GLIS3: variants seen among roughly 807,000 people sequenced by gnomAD.
The protein encoded by GLIS3 is zinc finger protein GLIS3.
A neutral mutation model predicts 78.6 loss-of-function variants in GLIS3; 53 were observed. The observed-to-expected ratio is 0.67, with a 90% CI of 0.54 to 0.85. The LOEUF (loss-of-function observed/expected upper bound fraction) is 0.85. Ranked by LOEUF, GLIS3 falls within the 40% of genes least tolerant of loss-of-function variation. GLIS3 has a pLI of 0.00. For synonymous variants in GLIS3, 684 were observed against 509.9 expected (o/e 1.34, Z -4.60); for missense variants, 1,703 against 1,231.1 (o/e 1.38, Z -5.74).
At chr9:3,915,860 T>C (rs1824475527) in intron 6 of GLIS3, among the ~76,000 whole-genome samples, 2 of 152,176 alleles carry the variant, frequency 1.3e-5, no homozygotes, top group Admixed American at 6.5e-5. Context: ...CGCATATATA[T>C]GCTGAGGGAA....
chr9:4,447,358 A>G, the GLIS3 span, among the ~76,000 whole-genome samples: 1 of 151,890 alleles, frequency 6.6e-6, no homozygotes, highest in African/African-American at 2.4e-5. Context: ...TACAGGAGTG[A>G]GCCACCATGC....
At chr9:4,182,379 A>G (rs1817407981) in intron 2 of GLIS3, among the ~76,000 whole-genome samples, 1 of 152,216 alleles carries the variant, frequency 6.6e-6, no homozygotes, top group African/African-American at 2.4e-5. Flanking sequence ...CATGGCTTTG[A>G]GAAATACCTG....
At chr9:4,267,944 C>CATGTGT (rs757545130) in intron 2 of GLIS3, among the ~76,000 whole-genome samples, 5 of 149,904 alleles carry the variant, frequency 3.3e-5, no homozygotes, top group Admixed American at 2.0e-4. Flanking sequence ...TATAAAAATA[C>CATGTGT]CTGTGTGTGT....
At chr9:4,191,368 C>A (rs1818320185) in intron 2 of GLIS3, among the ~76,000 whole-genome samples, 1 of 152,234 alleles carries the variant, frequency 6.6e-6, no homozygotes, top group African/African-American at 2.4e-5. Context: ...ATTCCAGTTT[C>A]ATAAAAATCG....
chr9:4,284,703 G>C (rs974244666), intron 2 of GLIS3, among the ~76,000 whole-genome samples: 5 of 151,002 alleles, frequency 3.3e-5, no homozygotes, highest in African/African-American at 1.2e-4. Flanking sequence ...TTGAGCTCAG[G>C]AGTTGGAGAC....
intron 2 of GLIS3, among the ~76,000 whole-genome samples, chr9:4,312,107 A>G (rs1486386074): frequency 1.3e-5 from 2 of 152,224 alleles, no homozygotes; most frequent in African/African-American, 4.8e-5. Flanking sequence ...CTGTATAACA[A>G]ACCTACACAT....
intron 3 of GLIS3, among the ~76,000 whole-genome samples, chr9:4,124,166 C>G (rs1239716185): frequency 6.6e-6 from 1 of 152,076 alleles, no homozygotes; most frequent in Non-Finnish European, 1.5e-5. Context: ...AAGCAATTCC[C>G]AATTCCTGTT....
chr9:4,456,109 G>GA, the GLIS3 span, among the ~76,000 whole-genome samples: 30 of 145,282 alleles, frequency 2.1e-4, no homozygotes, highest in South Asian at 1.5e-3. Flanking sequence ...CTCCATCTAA[G>GA]AAAAAAAAAA....
chr9:4,474,991 TTTTC>T, the GLIS3 span, among the ~76,000 whole-genome samples: 290 of 98,346 alleles, frequency 2.9e-3, 10 homozygotes, highest in African/African-American at 9.1e-3. Context: ...GTTAATTTTT[TTTTC>T]TTTTTTTTTT....
chr9:4,376,190 G>C, the GLIS3 span, among the ~76,000 whole-genome samples: 2 of 152,164 alleles, frequency 1.3e-5, no homozygotes, highest in Non-Finnish European at 2.9e-5. Flanking sequence ...TGGAGAGATT[G>C]TCCCTGAAGC....
chr9:4,252,730 C>T (rs114654528), intron 2 of GLIS3, among the ~76,000 whole-genome samples: 17,031 of 152,152 alleles, frequency 0.11, 1,224 homozygotes, highest in Non-Finnish European at 0.16. Flanking sequence ...TGCTGGATTT[C>T]CCTCATCTTC....
intron 2 of GLIS3, among the ~76,000 whole-genome samples, chr9:4,244,486 T>C (rs1330982799): frequency 1.3e-5 from 2 of 152,220 alleles, no homozygotes; most frequent in South Asian, 2.1e-4. Context: ...GAAAACTACA[T>C]TGGAAAGAGT....
chr9:4,230,936 G>C (rs986552418), intron 2 of GLIS3, among the ~76,000 whole-genome samples: 1 of 152,164 alleles, frequency 6.6e-6, no homozygotes, highest in Admixed American at 6.5e-5. Flanking sequence ...GCCAGGTGCA[G>C]TGGCTCACAT....
chr9:4,245,749 C>T (rs2129775056), intron 2 of GLIS3, among the ~76,000 whole-genome samples: 1 of 152,202 alleles, frequency 6.6e-6, no homozygotes, highest in South Asian at 2.1e-4. Flanking sequence ...ATAAATACCA[C>T]TATATCCCAT....
chr9:3,850,777 C>G (rs1819380514), intron 9 of GLIS3, among the ~76,000 whole-genome samples: 1 of 152,182 alleles, frequency 6.6e-6, no homozygotes, highest in Non-Finnish European at 1.5e-5. Flanking sequence ...CCAGCCATCC[C>G]TTTGACTCTT....
intron 4 of GLIS3, among the ~76,000 whole-genome samples, chr9:4,066,841 C>A (rs184773458): frequency 1.3e-5 from 2 of 152,160 alleles, no homozygotes; most frequent in Non-Finnish European, 2.9e-5. Flanking sequence ...GCATGTGGGA[C>A]GCCCAGTGGC....
chr9:4,310,284 A>T (rs1157944805), intron 3 of GLIS3: 2 of 152,218 alleles, frequency 1.3e-5, no homozygotes, highest in African/African-American at 4.8e-5. Flanking sequence ...AATATAATTG[A>T]ACAGTAAATG....
At chr9:4,394,793 T>G in the GLIS3 span, among the ~76,000 whole-genome samples, 1 of 152,218 alleles carries the variant, frequency 6.6e-6, no homozygotes, top group African/African-American at 2.4e-5. Flanking sequence ...TGAGAAAAAT[T>G]ATAACCTCAT....
chr9:4,376,373 G>GA, the GLIS3 span, among the ~76,000 whole-genome samples: 1 of 152,070 alleles, frequency 6.6e-6, no homozygotes, highest in African/African-American at 2.4e-5. Context: ...GAGAGCCTTT[G>GA]AAAAAACAAT....
Sources: allele counts gnomAD v4.1 joint callset (sites outside exome capture counted in the v4.1 genomes callset), GRCh38; gene constraint gnomAD v4.1.1; transcripts MANE v1.5; gene names NCBI Gene and HGNC (gene_info 2026-07-23, HGNC 2026-07-21).